The following FAM227B variants were observed in gnomAD, a reference collection of about 807,000 sequenced individuals.
FAM227B encodes the protein family with sequence similarity 227 member B.
Under a neutral mutation model 73.8 loss-of-function variants are expected in FAM227B, and 88 were observed. That is an observed-to-expected ratio of 1.19 (90% confidence interval 1.00 to 1.42). The LOEUF (loss-of-function observed/expected upper bound fraction) is 1.42. Among genes scored for constraint, FAM227B ranks in the 40% most tolerant of loss-of-function variants. FAM227B has a pLI of 0.00. For synonymous variants in FAM227B, 210 were observed against 190.5 expected (o/e 1.10, Z -0.84); for missense variants, 632 against 590.9 (o/e 1.07, Z -0.72).
intron 9 of FAM227B, among the ~76,000 whole-genome samples, chr15:49,560,466 T>A (rs1373044574): frequency 6.6e-6 from 1 of 152,054 alleles, no homozygotes; most frequent in African/African-American, 2.4e-5. Flanking sequence ...AAAAAATAAT[T>A]CAAGAAAAAT....
intron 11 of FAM227B, among the ~76,000 whole-genome samples, chr15:49,467,737 C>G (rs1358349468): frequency 6.6e-6 from 1 of 152,016 alleles, no homozygotes; most frequent in Non-Finnish European, 1.5e-5. Context: ...AGTTTAGAAT[C>G]TTTAGTGATT....
chr15:49,540,502 T>C (rs1217449287), intron 10 of FAM227B, among the ~76,000 whole-genome samples: 1 of 152,164 alleles, frequency 6.6e-6, no homozygotes, highest in Non-Finnish European at 1.5e-5. Flanking sequence ...AATTATTTTG[T>C]GTGTGTGTGA....
intron 11 of FAM227B, among the ~76,000 whole-genome samples, chr15:49,457,815 A>G (rs2053449250): frequency 6.6e-6 from 1 of 151,992 alleles, no homozygotes; most frequent in Non-Finnish European, 1.5e-5. Context: ...TTTTATAGTC[A>G]TCAGTTAAAT....
At chr15:49,568,831 T>G (rs561637671) in intron 8 of FAM227B, among the ~76,000 whole-genome samples, 3 of 152,132 alleles carry the variant, frequency 2.0e-5, no homozygotes, top group South Asian at 4.1e-4. Flanking sequence ...ATAAAAGATA[T>G]TGGTAGTTTC....
chr15:49,417,414 A>T (rs988913612), intron 11 of FAM227B, among the ~76,000 whole-genome samples: 4 of 152,092 alleles, frequency 2.6e-5, no homozygotes, highest in African/African-American at 9.7e-5. Context: ...ATGCTACCCG[A>T]CTTCAAACTA....
At chr15:49,531,376 A>G (rs757905903) in intron 10 of FAM227B, among the ~76,000 whole-genome samples, 1 of 151,994 alleles carries the variant, frequency 6.6e-6, no homozygotes, top group Non-Finnish European at 1.5e-5. Context: ...ACAAATAATC[A>G]TAGAAAAATT....
intron 10 of FAM227B, among the ~76,000 whole-genome samples, chr15:49,530,277 T>C (rs111847344): frequency 5.0e-4 from 63 of 127,122 alleles, no homozygotes; most frequent in Admixed American, 3.6e-4. Flanking sequence ...TTGGAATGTT[T>C]ACTTTAGGCC....
chr15:49,615,312 AC>A, intron 1 of FAM227B, 69 bp from the exon 2 acceptor site: 1 of 724,090 alleles, frequency 1.4e-6, no homozygotes, highest in Non-Finnish European at 2.5e-6. Context: ...CCCCTCACCC[AC>A]AAACCTCACT....
At chr15:49,329,734 T>C (rs1429223056) in intron 15 of FAM227B, 3 of 974,468 alleles carry the variant, frequency 3.1e-6, no homozygotes, top group African/African-American at 1.8e-5. Flanking sequence ...TCCTTTATTT[T>C]TTAATACCGT....
intron 11 of FAM227B, among the ~76,000 whole-genome samples, chr15:49,505,773 G>C (rs72729132): frequency 0.055 from 8,290 of 151,898 alleles, 326 homozygotes; most frequent in East Asian, 0.13. Context: ...ATAGAAACTA[G>C]TAGAAATAAG....
chr15:49,471,632 A>C (rs1217251470), intron 11 of FAM227B, among the ~76,000 whole-genome samples: 1 of 152,020 alleles, frequency 6.6e-6, no homozygotes, highest in Non-Finnish European at 1.5e-5. Flanking sequence ...TCAAAAATGG[A>C]AAGTTATGAT....
At chr15:49,419,442 T>C (rs2049442163) in intron 11 of FAM227B, among the ~76,000 whole-genome samples, 1 of 152,214 alleles carries the variant, frequency 6.6e-6, no homozygotes, top group Admixed American at 6.5e-5. Context: ...TCCCTCAACC[T>C]TTCCTTTCCA....
intron 11 of FAM227B, among the ~76,000 whole-genome samples, chr15:49,409,516 T>C (rs1377641542): frequency 2.0e-5 from 3 of 149,314 alleles, no homozygotes; most frequent in Non-Finnish European, 4.4e-5. Context: ...TATATATATA[T>C]AGTTATATAT....
chr15:49,487,571 CCAAAGA>C (rs1302835966), intron 11 of FAM227B: 2 of 151,710 alleles, frequency 1.3e-5, no homozygotes, highest in African/African-American at 4.8e-5. Context: ...CTCTAGACTG[CCAAAGA>C]ACATAAAGAT....
chr15:49,350,441 A>G (rs1208803298), intron 13 of FAM227B, among the ~76,000 whole-genome samples: 2 of 152,130 alleles, frequency 1.3e-5, no homozygotes, highest in South Asian at 2.1e-4. Context: ...TGGGTAATGT[A>G]AAAGTATCAT....
intron 11 of FAM227B, among the ~76,000 whole-genome samples, chr15:49,480,165 T>A (rs1400244158): frequency 6.6e-6 from 1 of 152,220 alleles, no homozygotes; most frequent in African/African-American, 2.4e-5. Flanking sequence ...GTTAATGGTA[T>A]TTTTTAAATA....
chr15:49,473,717 T>C (rs2054995404), intron 11 of FAM227B, among the ~76,000 whole-genome samples: 1 of 152,090 alleles, frequency 6.6e-6, no homozygotes, highest in Admixed American at 6.5e-5. Flanking sequence ...TAAAAATAAG[T>C]GAGCTAATTT....
At chr15:49,475,472 G>A (rs920189539) in intron 11 of FAM227B, among the ~76,000 whole-genome samples, 2 of 152,152 alleles carry the variant, frequency 1.3e-5, no homozygotes, top group African/African-American at 4.8e-5. Flanking sequence ...ATGGGAGCCT[G>A]TGAAAATTTC....
chr15:49,491,917 G>A lies in FAM227B; in HGVS notation c.1012+16294C>T, dbSNP rs191478020. On this transcript the variant is annotated intron_variant, in intron 11 of 15. Transcript: ENST00000299338. ...ATGTAATCTGGTAAGGAAATAGAACGTCAAAAAGTACTTAATACTATTAAT... is the reference window on the plus strand; with the variant it reads ...ATGTAATCTGGTAAGGAAATAGAACATCAAAAAGTACTTAATACTATTAAT... 2.0e-3 allele frequency among the ~76,000 whole-genome samples: 311 copies of A among 151,814 alleles called. 2 individuals are homozygous for A. Among genetic ancestry groups the A allele is most frequent in the African/African-American group, 7.1e-3 (295 of 41,502 alleles).
Sources: gnomAD v4.1 joint callset for allele counts (sites outside exome capture counted in the v4.1 genomes callset) on GRCh38, gnomAD v4.1.1 for gene constraint, MANE v1.5 for transcripts, NCBI Gene and HGNC (gene_info 2026-07-23, HGNC 2026-07-21) for gene names.